QTMAN: variants seen among roughly 807,000 people sequenced by gnomAD.
QTMAN encodes tRNA-queuosine alpha-mannosyltransferase.
At chr2:144,182,914 TAAA>T in the QTMAN span, among the ~76,000 whole-genome samples, 1 of 104,980 alleles carries the variant, frequency 9.5e-6, no homozygotes, top group East Asian at 2.5e-4. Flanking sequence ...TATATATATA[TAAA>T]ATATGAGAAA....
At chr2:144,265,771 T>C in the QTMAN span, among the ~76,000 whole-genome samples, 1 of 152,202 alleles carries the variant, frequency 6.6e-6, no homozygotes, top group East Asian at 1.9e-4. Context: ...CTCCTCTTCC[T>C]TTAAGGTTAC....
the QTMAN span, among the ~76,000 whole-genome samples, chr2:144,261,889 C>G: frequency 6.6e-6 from 1 of 151,886 alleles, no homozygotes; most frequent in African/African-American, 2.4e-5. Context: ...TTCTTCATAT[C>G]AACATAGAAG....
At chr2:144,055,320 C>A in the QTMAN span, among the ~76,000 whole-genome samples, 1 of 146,130 alleles carries the variant, frequency 6.8e-6, no homozygotes, top group Non-Finnish European at 1.5e-5. Context: ...AACACACACA[C>A]ACACAGACAC....
At chr2:143,977,761 T>C in the QTMAN span, among the ~76,000 whole-genome samples, 1 of 152,180 alleles carries the variant, frequency 6.6e-6, no homozygotes, top group East Asian at 1.9e-4. Flanking sequence ...AATTAAGTTA[T>C]CAAAAAATTA....
chr2:144,144,312 C>T, the QTMAN span, among the ~76,000 whole-genome samples: 13 of 151,976 alleles, frequency 8.6e-5, no homozygotes, highest in South Asian at 2.1e-4. Flanking sequence ...CTTTTTGGTA[C>T]ATTTCCTCCC....
chr2:143,962,749 A>C, the QTMAN span, among the ~76,000 whole-genome samples: 1 of 152,166 alleles, frequency 6.6e-6, no homozygotes, highest in African/African-American at 2.4e-5. Flanking sequence ...TAGAGAAGAG[A>C]AAGAGGCAAG....
At chr2:144,225,419 C>G in the QTMAN span, among the ~76,000 whole-genome samples, 1 of 152,166 alleles carries the variant, frequency 6.6e-6, no homozygotes, top group Admixed American at 6.5e-5. Context: ...ATCTTGATGT[C>G]ACTTTTCCAC....
At chr2:144,228,745 G>A in the QTMAN span, among the ~76,000 whole-genome samples, 11 of 152,150 alleles carry the variant, frequency 7.2e-5, no homozygotes, top group Non-Finnish European at 1.5e-4. Context: ...GATCACCTGA[G>A]GTCAGGAGTT....
At chr2:143,951,921 A>G in the QTMAN span, 4 of 819,098 alleles carry the variant, frequency 4.9e-6, no homozygotes, top group East Asian at 7.4e-5. Context: ...TTTTTTTTTA[A>G]GATTTTTCTT....
chr2:144,145,487 T>C, the QTMAN span: 6 of 912,870 alleles, frequency 6.6e-6, no homozygotes, highest in Non-Finnish European at 1.0e-5. Context: ...AGGTGTACAA[T>C]AGTAGGTCTC....
At chr2:144,000,001 A>T in the QTMAN span, among the ~76,000 whole-genome samples, 1,242 of 152,188 alleles carry the variant, frequency 8.2e-3, 15 homozygotes, top group African/African-American at 0.028. Flanking sequence ...GCAATGAGAA[A>T]CTAAATGTTG....
chr2:144,216,825 G>GTTTCTTATTCTGTTTGATCTATTAT, the QTMAN span, among the ~76,000 whole-genome samples: 3 of 152,032 alleles, frequency 2.0e-5, no homozygotes, highest in African/African-American at 7.2e-5. Flanking sequence ...AAAATCATCT[G>GTTTCTTATTCTGTTTGATCTATTAT]CAGTTTCTTA....
chr2:144,196,801 T>C, the QTMAN span, among the ~76,000 whole-genome samples: 1 of 152,180 alleles, frequency 6.6e-6, no homozygotes, highest in Non-Finnish European at 1.5e-5. Flanking sequence ...GAGCAGAAAC[T>C]TTACTCATTC....
chr2:144,071,067 C>T, the QTMAN span, among the ~76,000 whole-genome samples: 1 of 151,992 alleles, frequency 6.6e-6, no homozygotes. Context: ...TAGCTTAAAG[C>T]TATATAGTTT....
At chr2:144,002,858 AC>A in the QTMAN span, among the ~76,000 whole-genome samples, 1 of 151,960 alleles carries the variant, frequency 6.6e-6, no homozygotes, top group Non-Finnish European at 1.5e-5. Flanking sequence ...TAAACATTCA[AC>A]TTTTCCAGCT....
At chr2:143,942,113 CAG>C in the QTMAN span, 1 of 165,152 alleles carries the variant, frequency 6.1e-6, no homozygotes, top group African/African-American at 2.5e-5. Context: ...GCAGTAAATG[CAG>C]TAATAGGAAA....
chr2:144,104,661 T>C, the QTMAN span, among the ~76,000 whole-genome samples: 1 of 152,192 alleles, frequency 6.6e-6, no homozygotes, highest in South Asian at 2.1e-4. Context: ...TGCCTGCCTC[T>C]GTAGACTCCA....
the QTMAN span, among the ~76,000 whole-genome samples, chr2:143,976,835 G>C: frequency 6.6e-6 from 1 of 152,152 alleles, no homozygotes; most frequent in South Asian, 2.1e-4. Context: ...CATCCATGTG[G>C]CTTTCTGCAA....
the QTMAN span, among the ~76,000 whole-genome samples, chr2:144,125,512 G>A: frequency 6.6e-6 from 1 of 151,918 alleles, no homozygotes; most frequent in Non-Finnish European, 1.5e-5. Flanking sequence ...GTGTAGTGTT[G>A]TGATGAGCTG....
Sources: gnomAD v4.1 joint callset for allele counts (sites outside exome capture counted in the v4.1 genomes callset) on GRCh38, gnomAD v4.1.1 for gene constraint, MANE v1.5 for transcripts, NCBI Gene and HGNC (gene_info 2026-07-23, HGNC 2026-07-21) for gene names.